Variants in MED23 observed in about 807,000 individuals in gnomAD.
MED23 encodes the protein mediator complex subunit 23, also known as mediator of RNA polymerase II transcription subunit 23.
In MED23, 105 loss-of-function variants were observed where a neutral mutation model predicts 163.9. That is an observed-to-expected ratio of 0.64 (90% confidence interval 0.55 to 0.75). MED23 has a LOEUF of 0.75. MED23 is among the 30% of genes least tolerant of loss of function. MED23 has a pLI of 0.00. For missense variants in MED23, 1,054 were observed against 1,649.0 expected, an observed-to-expected ratio of 0.64 and a Z score of 6.25; for synonymous variants, 561 against 565.6, an observed-to-expected ratio of 0.99 and a Z score of 0.12.
downstream of MED23, chr6:131,583,900 C>T: frequency 6.2e-7 from 1 of 1,614,008 alleles, no homozygotes; most frequent in South Asian, 1.1e-5. Flanking sequence ...CCTTAACCCA[C>T]CTAAGTAAAT....
At position 131,594,238 on chromosome 6, in the gene MED23, A is replaced by G. The variant is rs1774869679; in HGVS notation, c.3093T>C (p.Ile1031=). 6.2e-7 allele frequency: 1 copy of G among 1,614,182 alleles called. No individual in the cohort carries two copies. Among genetic ancestry groups the G allele is most frequent in the Non-Finnish European group, 8.5e-7 (1 of 1,180,018 alleles). ...FLKRKLVHAI[I]GSLKDNRPQG... is the part of the protein sequence containing the mutation. ...GCGGTCGATTATCCTTCAGAGAGCC[A>G]ATGATCGCATGGACGAGTTTTCGTT... is the stretch of plus-strand genomic sequence containing the variant. Residue 1031 remains isoleucine, a synonymous_variant, in exon 23 of 29, where the codon ATT becomes ATC. Coordinates refer to ENST00000368068, the MANE Select transcript of MED23 (RefSeq NM_004830.4).
intron 27 of MED23, 38 bp from the exon 28 acceptor site, chr6:131,589,634 A>C: frequency 6.2e-7 from 1 of 1,601,358 alleles, no homozygotes; most frequent in South Asian, 1.1e-5. Flanking sequence ...TAAGTGATCA[A>C]GTGATTCAGT....
At chr6:131,612,321 CTG>C (rs1776337940) in intron 10 of MED23, among the ~76,000 whole-genome samples, 1 of 151,358 alleles carries the variant, frequency 6.6e-6, no homozygotes, top group Admixed American at 6.6e-5. Flanking sequence ...ACAAAATGAT[CTG>C]TGTTGCTACT....
At chr6:131,592,526 T>C (rs929316875) in intron 24 of MED23, 66 bp from the exon 25 acceptor site, 130 of 1,354,280 alleles carry the variant, frequency 9.6e-5, no homozygotes, top group Non-Finnish European at 6.6e-5. Context: ...TGACAACGGA[T>C]CTTATTTTTA....
intron 23 of MED23, among the ~76,000 whole-genome samples, chr6:131,593,407 A>T (rs1774797221): frequency 6.6e-6 from 1 of 152,226 alleles, no homozygotes; most frequent in South Asian, 2.1e-4. Context: ...TATAATAGCC[A>T]CAGATGCAAC....
rs1195530492 is a variant in MED23 at position 131,625,089 on chromosome 6, A to G, written c.160-100T>C. On this transcript the variant is annotated intron_variant, in intron 3 of 28. Coordinates refer to ENST00000368068, the MANE Select transcript of MED23 (RefSeq NM_004830.4). ...GAAGTATACCAATACTATGAAAGAAATACTTCACTATGAGCATCTGTGGAT... is the reference window on the plus strand; with the variant it reads ...GAAGTATACCAATACTATGAAAGAAGTACTTCACTATGAGCATCTGTGGAT... 10 of 1,268,006 alleles carry G rather than the reference A, an allele frequency of 7.9e-6. No homozygotes were observed. In the East Asian group the frequency reaches 2.1e-4, roughly 27 times the overall value. 78.5% of individuals were successfully genotyped at this position (1,268,006 alleles called of 1,614,324 possible). A position where few individuals can be genotyped will look rare whatever the true frequency, so the allele number is the denominator to read the frequency against.
chr6:131,581,343 C>A, intron 30 of MED23: 2 of 1,613,740 alleles, frequency 1.2e-6, no homozygotes, highest in Non-Finnish European at 1.7e-6. Flanking sequence ...GCATGGACAA[C>A]CTGTATCTTT....
At chr6:131,579,505 G>C in intron 30 of MED23, 1 of 428,398 alleles carries the variant, frequency 2.3e-6, no homozygotes, top group Non-Finnish European at 4.2e-6. Flanking sequence ...TAGTACAGCA[G>C]AAAATGTATG....
chr6:131,584,065 T>G, downstream of MED23: 1 of 833,878 alleles, frequency 1.2e-6, no homozygotes, highest in Non-Finnish European at 1.8e-6. Context: ...GGTGTAAAAT[T>G]CAAGATGTGG....
intron 30 of MED23, chr6:131,576,794 C>T: frequency 6.8e-7 from 1 of 1,462,602 alleles, no homozygotes; most frequent in South Asian, 1.1e-5. Context: ...AAGGAAAGAG[C>T]AGGCCCCTGT....
chr6:131,623,960 TGTA>T (rs1247409345), intron 4 of MED23, among the ~76,000 whole-genome samples: 5 of 152,234 alleles, frequency 3.3e-5, no homozygotes, highest in Non-Finnish European at 5.9e-5. Context: ...TATAAATCTG[TGTA>T]GTATTTTACA....
intron 10 of MED23, among the ~76,000 whole-genome samples, chr6:131,613,247 A>G (rs1776408255): frequency 6.6e-6 from 1 of 152,168 alleles, no homozygotes; most frequent in Non-Finnish European, 1.5e-5. Context: ...TATTCAGCAG[A>G]AAGAATACAA....
At chr6:131,578,232 A>C (rs1773725773) in intron 30 of MED23, among the ~76,000 whole-genome samples, 1 of 151,896 alleles carries the variant, frequency 6.6e-6, no homozygotes, top group Non-Finnish European at 1.5e-5. Flanking sequence ...TAGAGAACAG[A>C]ATGCTTGGGT....
chr6:131,611,142 C>G (rs1423899546), intron 10 of MED23, among the ~76,000 whole-genome samples: 1 of 152,024 alleles, frequency 6.6e-6, no homozygotes, highest in African/African-American at 2.4e-5. Context: ...AATACAATTA[C>G]TAATACAGAT....
chr6:131,575,564 A>G (rs74451798), intron 30 of MED23, among the ~76,000 whole-genome samples: 4,913 of 152,272 alleles, frequency 0.032, 107 homozygotes, highest in Middle Eastern at 0.061. Flanking sequence ...ACCCAGGGCA[A>G]GTCTTCTGTT....
At chr6:131,579,491 G>A in intron 30 of MED23, 3 of 493,274 alleles carry the variant, frequency 6.1e-6, no homozygotes, top group Non-Finnish European at 1.1e-5. Context: ...TCTGTATTTT[G>A]ACCTAGTACA....
At chr6:131,588,967 C>G (rs1365646859) in intron 28 of MED23, among the ~76,000 whole-genome samples, 1 of 152,050 alleles carries the variant, frequency 6.6e-6, no homozygotes, top group Non-Finnish European at 1.5e-5. Flanking sequence ...TTCCCTAGGA[C>G]TTTTTTCTTC....
chr6:131,615,872 G>T, intron 10 of MED23, 35 bp downstream of exon 10: 1 of 1,467,646 alleles, frequency 6.8e-7, no homozygotes, highest in Non-Finnish European at 9.6e-7. Flanking sequence ...CAGATTCTAT[G>T]CAGAATTTAC....
chr6:131,623,054 T>C (rs1307478204), intron 5 of MED23, among the ~76,000 whole-genome samples: 1 of 152,204 alleles, frequency 6.6e-6, no homozygotes. Context: ...GCTCTGTGCT[T>C]TCATTTGAAG....
Sources: gnomAD v4.1 joint callset for allele counts (sites outside exome capture counted in the v4.1 genomes callset) on GRCh38, gnomAD v4.1.1 for gene constraint, MANE v1.5 for transcripts, NCBI Gene and HGNC (gene_info 2026-07-23, HGNC 2026-07-21) for gene names.